Variants in TTC7B observed in about 807,000 individuals in gnomAD.
The protein encoded by TTC7B is tetratricopeptide repeat domain 7B, also known as tetratricopeptide repeat protein 7B.
A neutral mutation model predicts 106.8 loss-of-function variants in TTC7B; 28 were observed. The observed-to-expected ratio is 0.26, with a 90% CI of 0.19 to 0.36. TTC7B has a LOEUF of 0.36. Ranked by LOEUF, TTC7B falls within the 10% of genes least tolerant of loss-of-function variation. TTC7B has a pLI of 1.00. For synonymous variants in TTC7B, 405 were observed against 430.6 expected, an observed-to-expected ratio of 0.94 and a Z score of 0.74; for missense variants, 862 against 1,076.4, an observed-to-expected ratio of 0.80 and a Z score of 2.79.
At chr14:90,613,534 A>T (rs930203752) in intron 16 of TTC7B, among the ~76,000 whole-genome samples, 1 of 152,232 alleles carries the variant, frequency 6.6e-6, no homozygotes, top group African/African-American at 2.4e-5. Context: ...AATACAGGAC[A>T]AGGGGCAAGG....
At chr14:90,634,148 A>T (rs1042731904) in intron 15 of TTC7B, among the ~76,000 whole-genome samples, 2 of 152,148 alleles carry the variant, frequency 1.3e-5, no homozygotes, top group Admixed American at 1.3e-4. Flanking sequence ...AAGTGCTGGG[A>T]CTATAGGCAT....
intron 5 of TTC7B, among the ~76,000 whole-genome samples, chr14:90,700,973 G>A (rs930219992): frequency 6.6e-6 from 1 of 151,848 alleles, no homozygotes; most frequent in Admixed American, 6.6e-5. Flanking sequence ...TCCCAGAATG[G>A]AGTCCAGCTT....
intron 19 of TTC7B, among the ~76,000 whole-genome samples, chr14:90,554,338 T>G (rs1890211218): frequency 6.6e-6 from 1 of 152,190 alleles, no homozygotes; most frequent in Non-Finnish European, 1.5e-5. Context: ...CCATCCTATT[T>G]GACAGGAGGG....
In TTC7B at chr14:90,793,753, C is replaced by G. The variant is rs1234410197; in HGVS notation, c.122-7425G>C. On this transcript the variant is annotated intron_variant, in intron 1 of 19. Transcript: ENST00000328459. The stretch of plus-strand genomic sequence containing the variant: ...CCTCCCGAGTAGCTGGGATTACAGG[C>G]ATGCACCACTATGCCCAGCTAATTT... Among the ~76,000 whole-genome samples the G allele has an allele frequency of 4.0e-5, 6 of 151,472 alleles. No homozygotes were observed. In the South Asian group the frequency reaches 1.3e-3, roughly 32 times the overall value.
intron 17 of TTC7B, among the ~76,000 whole-genome samples, chr14:90,595,577 C>T (rs1009109771): frequency 6.6e-6 from 1 of 151,968 alleles, no homozygotes. Flanking sequence ...ATGTAGTTTC[C>T]CTGAGATTTT....
chr14:90,680,159 T>C (rs1377617106), intron 8 of TTC7B, among the ~76,000 whole-genome samples: 1 of 152,244 alleles, frequency 6.6e-6, no homozygotes, highest in Non-Finnish European at 1.5e-5. Context: ...ATTTTAGCTG[T>C]GGTTTACCTA....
At chr14:90,772,124 T>C (rs907155272) in intron 3 of TTC7B, among the ~76,000 whole-genome samples, 2 of 151,928 alleles carry the variant, frequency 1.3e-5, no homozygotes, top group African/African-American at 4.8e-5. Flanking sequence ...TTGGCTGGAA[T>C]GGGAGGAGGC....
intron 17 of TTC7B, among the ~76,000 whole-genome samples, chr14:90,595,467 A>T (rs1892164721): frequency 6.6e-6 from 1 of 152,240 alleles, no homozygotes; most frequent in Admixed American, 6.5e-5. Context: ...ACTATTTTTT[A>T]AAAATCTACA....
chr14:90,604,943 C>T (rs1472853473), intron 17 of TTC7B, among the ~76,000 whole-genome samples: 1 of 152,206 alleles, frequency 6.6e-6, no homozygotes, highest in Non-Finnish European at 1.5e-5. Flanking sequence ...CATTTTCCTT[C>T]ACTGCAAATG....
At chr14:90,645,002 T>C (rs747485862) in intron 14 of TTC7B, 9 of 152,204 alleles carry the variant, frequency 5.9e-5, no homozygotes, top group East Asian at 1.9e-4. Context: ...AAAATGGGTA[T>C]GTGACACCCT....
intron 7 of TTC7B, among the ~76,000 whole-genome samples, chr14:90,682,333 A>G (rs1255490286): frequency 6.6e-6 from 1 of 152,128 alleles, no homozygotes; most frequent in African/African-American, 2.4e-5. Context: ...ATCCAGCTCC[A>G]CTTCCTCTAC....
chr14:90,658,972 G>C (rs980035977), intron 9 of TTC7B, among the ~76,000 whole-genome samples: 7 of 152,234 alleles, frequency 4.6e-5, no homozygotes, highest in African/African-American at 1.7e-4. Flanking sequence ...AAGATCGTGG[G>C]GGACTGGGGT....
At chr14:90,789,920 C>G (rs529066897) in intron 1 of TTC7B, among the ~76,000 whole-genome samples, 1 of 151,034 alleles carries the variant, frequency 6.6e-6, no homozygotes, top group African/African-American at 2.4e-5. Flanking sequence ...AAAATACTAT[C>G]AGGTCAACAT....
intron 1 of TTC7B, among the ~76,000 whole-genome samples, chr14:90,809,040 G>T (rs556490101): frequency 6.6e-6 from 1 of 152,346 alleles, no homozygotes; most frequent in South Asian, 2.1e-4. Context: ...GTCCAGAGAA[G>T]GGCTGCTCCA....
intron 19 of TTC7B, among the ~76,000 whole-genome samples, chr14:90,564,564 A>T (rs990914895): frequency 2.1e-4 from 32 of 152,224 alleles, no homozygotes; most frequent in African/African-American, 7.5e-4. Flanking sequence ...TGTAGCTATG[A>T]AAGTCCTAGA....
At chr14:90,672,659 C>T (rs1043790216) in intron 9 of TTC7B, among the ~76,000 whole-genome samples, 38 of 152,340 alleles carry the variant, frequency 2.5e-4, no homozygotes, top group African/African-American at 8.9e-4. Flanking sequence ...TTCCATTCAC[C>T]TGCCAATTAA....
At chr14:90,619,964 T>C (rs1893241360) in intron 15 of TTC7B, among the ~76,000 whole-genome samples, 1 of 152,174 alleles carries the variant, frequency 6.6e-6, no homozygotes, top group Non-Finnish European at 1.5e-5. Flanking sequence ...CATTCAAAGG[T>C]ACCTTAGAGG....
intron 17 of TTC7B, among the ~76,000 whole-genome samples, chr14:90,596,145 T>G (rs1460657483): frequency 6.6e-6 from 1 of 152,232 alleles, no homozygotes; most frequent in Non-Finnish European, 1.5e-5. Flanking sequence ...AACAGACATG[T>G]TTAAAATATT....
chr14:90,804,062 G>A (rs867397372), intron 1 of TTC7B, among the ~76,000 whole-genome samples: 13 of 152,180 alleles, frequency 8.5e-5, no homozygotes, highest in African/African-American at 2.4e-4. Context: ...GTGGCCGGGC[G>A]TTGTGGCTCA....
Sources: gnomAD v4.1 joint callset for allele counts (sites outside exome capture counted in the v4.1 genomes callset) on GRCh38, gnomAD v4.1.1 for gene constraint, MANE v1.5 for transcripts, NCBI Gene and HGNC (gene_info 2026-07-23, HGNC 2026-07-21) for gene names.